Variants in KDM6A observed in about 807,000 individuals in gnomAD.
KDM6A encodes lysine demethylase 6A, also known as lysine-specific demethylase 6A.
A neutral mutation model predicts 117.6 loss-of-function variants in KDM6A; 11 were observed. The observed-to-expected ratio is 0.09, with a 90% CI of 0.06 to 0.15. KDM6A has a LOEUF of 0.15. KDM6A is among the 10% of genes least tolerant of loss of function. The probability of loss-of-function intolerance (pLI) is 1.00; values close to 1 mark genes in which losing one functional copy is unlikely to be tolerated. For synonymous variants in KDM6A, 384 were observed against 396.1 expected, an observed-to-expected ratio of 0.97 and a Z score of 0.36; for missense variants, 799 against 1,077.3, an observed-to-expected ratio of 0.74 and a Z score of 3.62.
intron 27 of KDM6A, among the ~76,000 whole-genome samples, chrX:45,101,252 A>G: frequency 9.0e-6 from 1 of 111,137 alleles, no homozygotes. Flanking sequence ...AGATTGCTAA[A>G]CCTATTAGTC....
intron 2 of KDM6A, among the ~76,000 whole-genome samples, chrX:44,893,046 C>A (rs2033518595): frequency 9.6e-6 from 1 of 103,800 alleles, no homozygotes; most frequent in South Asian, 4.4e-4. Flanking sequence ...TTGTGGTACA[C>A]GCCTGTAAGT....
intron 17 of KDM6A, among the ~76,000 whole-genome samples, chrX:45,067,644 C>CTT (rs1267780901): frequency 0.012 from 1,098 of 89,920 alleles, 76 homozygotes; most frequent in African/African-American, 0.056. Flanking sequence ...TGGTGTGTAT[C>CTT]TTTTTTTTGT....
At chrX:44,935,000 G>C (rs927230174) in intron 2 of KDM6A, among the ~76,000 whole-genome samples, 1 of 111,286 alleles carries the variant, frequency 9.0e-6, no homozygotes, top group African/African-American at 3.3e-5. Context: ...GAGGTCCTTG[G>C]CATTTTCTCT....
At position 44,988,578 on chromosome X, in the gene KDM6A, T is replaced by C. The variant is rs1345248398; in HGVS notation, c.384+13863T>C. 3.2e-4 allele frequency among the ~76,000 whole-genome samples: 36 copies of C among 111,210 alleles called. No individual in the cohort carries two copies. The Admixed American group carries it at 3.3e-3, about 10-fold the overall frequency. The stretch of plus-strand genomic sequence containing the variant: ...GTTTTTGATGATGGTGACGTACAGA[T>C]GGGGTTTTGATGTGGATGTCCTTTC... On this transcript the variant is annotated intron_variant, in intron 4 of 29. Transcript: ENST00000611820.
chrX:45,010,866 C>G (rs947762245), intron 4 of KDM6A, 95 bp from the exon 5 acceptor site: 2 of 640,621 alleles, frequency 3.1e-6, no homozygotes, highest in African/African-American at 4.4e-5. Context: ...AATTTTAGGA[C>G]TTAAAACATC....
chrX:45,043,376 C>T (rs1253309774), intron 8 of KDM6A, among the ~76,000 whole-genome samples: 1 of 111,708 alleles, frequency 9.0e-6, no homozygotes, highest in Non-Finnish European at 1.9e-5. Context: ...TAATAATAGG[C>T]ATTTGGGTTT....
chrX:45,110,848 C>CA (rs957273593), intron 29 of KDM6A, among the ~76,000 whole-genome samples: 14 of 111,857 alleles, frequency 1.3e-4, no homozygotes, highest in Non-Finnish European at 2.1e-4. Flanking sequence ...AATAGAAACA[C>CA]AGAGATAATT....
chrX:44,932,261 A>C (rs2036677448), intron 2 of KDM6A, among the ~76,000 whole-genome samples: 1 of 105,102 alleles, frequency 9.5e-6, no homozygotes, highest in Non-Finnish European at 1.9e-5. Flanking sequence ...CACCTGGATA[A>C]TTTTTGTATT....
chrX:44,956,659 C>A (rs1400344983), intron 2 of KDM6A, among the ~76,000 whole-genome samples: 1 of 111,479 alleles, frequency 9.0e-6, no homozygotes, highest in African/African-American at 3.3e-5. Flanking sequence ...CTGCCTTTTG[C>A]TGGGATTATA....
At chrX:44,990,879 T>A (rs1295486373) in intron 4 of KDM6A, among the ~76,000 whole-genome samples, 1 of 112,139 alleles carries the variant, frequency 8.9e-6, no homozygotes, top group African/African-American at 3.2e-5. Flanking sequence ...TCTTCTGTTA[T>A]CAGTATTGTA....
At chrX:45,027,863 G>A (rs900958700) in intron 6 of KDM6A, among the ~76,000 whole-genome samples, 21 of 108,352 alleles carry the variant, frequency 1.9e-4, no homozygotes, top group African/African-American at 6.1e-4. Context: ...GCGCGATCTC[G>A]GCTCACTGCA....
At chrX:44,901,801 A>G (rs767921463) in intron 2 of KDM6A, among the ~76,000 whole-genome samples, 2 of 112,513 alleles carry the variant, frequency 1.8e-5, no homozygotes, top group Non-Finnish European at 3.8e-5. Context: ...TGATATTAGT[A>G]TAGCCACCCA....
chrX:45,111,302 C>T, intron 29 of KDM6A, 80 bp from the exon 30 acceptor site: 1 of 835,997 alleles, frequency 1.2e-6, no homozygotes, highest in Non-Finnish European at 1.8e-6. Flanking sequence ...CCCCTAACTT[C>T]ACAAGCAGAC....
At position 45,059,366 on chromosome X, in the gene KDM6A, G is replaced by A. The variant is rs2147961694; in HGVS notation, c.1094G>A (p.Cys365Tyr). 1 of 1,210,937 alleles carries A rather than the reference G, an allele frequency of 8.3e-7. No homozygotes were observed. Among genetic ancestry groups the A allele is most frequent in the Non-Finnish European group, 1.1e-6 (1 of 895,002 alleles). ...WMDLGTLYES[C>Y]NQPQDAIKCY... is the part of the protein sequence containing the mutation. ...GACCTAGGCACTCTCTATGAATCCT[G>A]CAACCAGCCTCAGGATGCCATTAAA... Residue 365 changes from cysteine to tyrosine, a missense_variant, in exon 12 of 30, where the codon TGC (cysteine) becomes TAC (tyrosine). Cys to Tyr is a radical substitution (Grantham distance 194, BLOSUM62 -2). Around this residue, in one of 8 missense-constraint regions of KDM6A, gnomAD observed 36 missense variants for 44.4 expected, o/e 0.81. Transcript: ENST00000611820.
chrX:45,005,948 ACCTCACCCCCCCACCC>A (rs2041421171), intron 4 of KDM6A, among the ~76,000 whole-genome samples: 1 of 63,181 alleles, frequency 1.6e-5, no homozygotes, highest in Admixed American at 1.7e-4. Context: ...GGAGTACTTC[ACCTCACCCCCCCACCC>A]CCCCACCCCC....
At chrX:45,081,655 C>T (rs186850877) in intron 21 of KDM6A, among the ~76,000 whole-genome samples, 10 of 112,181 alleles carry the variant, frequency 8.9e-5, no homozygotes, top group African/African-American at 3.2e-4. Context: ...TTCAGCTTTC[C>T]TCAAGTTTTC....
intron 2 of KDM6A, among the ~76,000 whole-genome samples, chrX:44,931,801 C>A (rs1414171906): frequency 1.8e-5 from 2 of 111,862 alleles, no homozygotes; most frequent in African/African-American, 6.5e-5. Context: ...AATATACTTA[C>A]ACTGCTGAAT....
Position 44,937,475 on chromosome X carries a change from C to T in KDM6A, c.226-23809C>T, listed in dbSNP as rs193279725. Among the ~76,000 whole-genome samples the T allele has an allele frequency of 8.3e-3, 925 of 111,749 alleles. 9 individuals carry two copies. The highest frequency in any genetic ancestry group is 0.029 in the African/African-American group (893 of 30,733). On this transcript the variant is annotated intron_variant, in intron 2 of 29. Transcript: ENST00000611820. ...ATTCTCACACTATTTCAAACTTTTT[C>T]ATTATTATTGTATCTATTATGATTA... is the stretch of plus-strand genomic sequence containing the variant.
rs1334562734 is a variant in KDM6A at position 45,112,387 on chromosome X, A to G, written c.*976A>G. 3 of 131,383 alleles carry G rather than the reference A, an allele frequency of 2.3e-5. No individual in the cohort carries two copies. The highest frequency in any genetic ancestry group is 4.6e-5 in the Non-Finnish European group (3 of 65,405). 10.8% of individuals were successfully genotyped at this position (131,383 alleles called of 1,213,427 possible). A position where few individuals can be genotyped will look rare whatever the true frequency, so the allele number is the denominator to read the frequency against. On this transcript the variant is annotated 3_prime_UTR_variant, in exon 30 of 30. Coordinates refer to ENST00000611820, the MANE Select transcript of KDM6A (RefSeq NM_001291415.2). ...AATATATATAGAAATCTGGATATAT[A>G]TGTATAAATCTTTAGAACTTAAATT... is the stretch of plus-strand genomic sequence containing the variant.
Sources: gnomAD v4.1 joint callset for allele counts (sites outside exome capture counted in the v4.1 genomes callset) on GRCh38, gnomAD v4.1.1 for gene constraint, gnomAD v4.1.1 regional missense constraint, MANE v1.5 for transcripts, NCBI Gene and HGNC (gene_info 2026-07-23, HGNC 2026-07-21) for gene names.